ADGRL2: variants seen among roughly 807,000 people sequenced by gnomAD.
ADGRL2 encodes calcium-independent alpha-latrotoxin receptor 2.
In ADGRL2, 44 loss-of-function variants were observed where a neutral mutation model predicts 157.4. The observed-to-expected ratio is 0.28, with a 90% CI of 0.22 to 0.36. The LOEUF is 0.36. Among genes scored for constraint, ADGRL2 ranks in the 10% least tolerant of loss-of-function variants. The probability of loss-of-function intolerance (pLI) is 1.00; values close to 1 mark genes in which losing one functional copy is unlikely to be tolerated. For synonymous variants in ADGRL2, 585 were observed against 624.7 expected, an observed-to-expected ratio of 0.94 and a Z score of 0.95; for missense variants, 1,510 against 1,768.9, an observed-to-expected ratio of 0.85 and a Z score of 2.63.
At chr1:81,775,974 G>C (rs553653832) in intron 2 of ADGRL2, among the ~76,000 whole-genome samples, 18 of 152,144 alleles carry the variant, frequency 1.2e-4, no homozygotes, top group African/African-American at 4.1e-4. Flanking sequence ...TAGTCCTTGG[G>C]TTACTTTTTT....
chr1:81,750,072 A>T (rs971040170), intron 1 of ADGRL2, among the ~76,000 whole-genome samples: 6 of 152,360 alleles, frequency 3.9e-5, no homozygotes, highest in Admixed American at 1.3e-4. Flanking sequence ...AAAAATTTTC[A>T]ATTAAACATG....
chr1:81,498,034 G>A (rs188514006), intron 2 of ADGRL2, among the ~76,000 whole-genome samples: 23 of 152,102 alleles, frequency 1.5e-4, no homozygotes, highest in African/African-American at 4.3e-4. Flanking sequence ...GTGAAACCTC[G>A]TCTCTACTAA....
intron 2 of ADGRL2, among the ~76,000 whole-genome samples, chr1:81,470,046 TC>T (rs1483996615): frequency 2.6e-5 from 4 of 152,188 alleles, no homozygotes; most frequent in African/African-American, 9.7e-5. Flanking sequence ...TCTCTAGAGT[TC>T]CTGGAATTGC....
At chr1:81,560,349 C>T (rs2148446997) in intron 2 of ADGRL2, among the ~76,000 whole-genome samples, 1 of 152,248 alleles carries the variant, frequency 6.6e-6, no homozygotes, top group East Asian at 1.9e-4. Context: ...CTTCATTCTC[C>T]TCATTTGTAA....
At chr1:81,789,252 A>G (rs566989135) in intron 2 of ADGRL2, among the ~76,000 whole-genome samples, 1 of 152,328 alleles carries the variant, frequency 6.6e-6, no homozygotes, top group East Asian at 1.9e-4. Context: ...CACATGGGGA[A>G]GAGAACAAGT....
chr1:81,602,673 C>A lies in ADGRL2; in HGVS notation c.-143+21693C>A, dbSNP rs575798692. ...CAGCACTTTGGTAGGCCAAGGTGGGCGGATCACATGAGGTCAGGAGTTCAA... is the reference window on the plus strand; with the variant it reads ...CAGCACTTTGGTAGGCCAAGGTGGGAGGATCACATGAGGTCAGGAGTTCAA... On this transcript the variant is annotated intron_variant, in intron 3 of 24. Transcript: ENST00000370721. 4.6e-5 allele frequency among the ~76,000 whole-genome samples: 7 copies of A among 151,050 alleles called. No homozygotes were observed. In the South Asian group the frequency reaches 1.5e-3, roughly 32 times the overall value.
At chr1:81,851,886 G>A (rs143903959) in intron 2 of ADGRL2, among the ~76,000 whole-genome samples, 1 of 151,782 alleles carries the variant, frequency 6.6e-6, no homozygotes, top group Admixed American at 6.6e-5. Flanking sequence ...TCTATGTTTA[G>A]TAGAAATTGA....
At position 81,992,197 on chromosome 1, in the gene ADGRL2, A is replaced by T. The variant is rs929123660; in HGVS notation, c.*1052A>T. On this transcript the variant is annotated 3_prime_UTR_variant, in exon 24 of 24. Transcript: ENST00000686636. ...GAACAAAAGGTGCCTATTCTTTTTT[A>T]AAAAAATAAAATAAAACATAAATAT... 2.3e-4 allele frequency: 35 copies of T among 152,348 alleles called. 4 individuals are homozygous for T. The highest frequency in any genetic ancestry group is 1.2e-3 in the Admixed American group (18 of 15,276). The allele number at this position is 152,348 out of a possible 1,614,324, so 9.4% of individuals were successfully genotyped here.
At chr1:81,371,090 G>A (rs1047071594) in intron 1 of ADGRL2, among the ~76,000 whole-genome samples, 2 of 152,150 alleles carry the variant, frequency 1.3e-5, no homozygotes, top group African/African-American at 4.8e-5. Flanking sequence ...CTCATTTTCT[G>A]TAGTTCATTA....
At chr1:81,588,482 T>A (rs2081070098) in intron 3 of ADGRL2, 1 of 152,172 alleles carries the variant, frequency 6.6e-6, no homozygotes, top group African/African-American at 2.4e-5. Flanking sequence ...AACTGTAGCT[T>A]CCACTGCTGC....
intron 2 of ADGRL2, among the ~76,000 whole-genome samples, chr1:81,576,657 A>G (rs538782559): frequency 2.0e-5 from 3 of 152,118 alleles, no homozygotes; most frequent in Admixed American, 1.3e-4. Flanking sequence ...GTTTCTCTCC[A>G]TGGCACCAGA....
chr1:81,776,406 C>G (rs2086587239), intron 2 of ADGRL2, among the ~76,000 whole-genome samples: 2 of 152,146 alleles, frequency 1.3e-5, no homozygotes, highest in African/African-American at 4.8e-5. Context: ...CCAGGATGGT[C>G]TCAATCTCTT....
intron 1 of ADGRL2, among the ~76,000 whole-genome samples, chr1:81,713,842 G>A (rs2084017614): frequency 6.6e-6 from 1 of 152,160 alleles, no homozygotes; most frequent in South Asian, 2.1e-4. Flanking sequence ...TTGATATTAG[G>A]TAGAGATACT....
At chr1:81,318,910 C>T (rs1168184357) in intron 1 of ADGRL2, among the ~76,000 whole-genome samples, 31 of 139,344 alleles carry the variant, frequency 2.2e-4, no homozygotes, top group Non-Finnish European at 6.2e-5. Flanking sequence ...TCATTTTATC[C>T]TCCATCCTCC....
At chr1:81,753,544 A>G (rs770490476) in intron 1 of ADGRL2, among the ~76,000 whole-genome samples, 2 of 152,192 alleles carry the variant, frequency 1.3e-5, no homozygotes, top group Non-Finnish European at 2.9e-5. Context: ...AGTAGGGTTG[A>G]ATATACTATT....
rs1218129364 is a variant in ADGRL2, at chr1:81,984,806, A to G, written c.3411+95A>G. 4.5e-6 allele frequency: 6 copies of G among 1,333,306 alleles called. No homozygotes were observed. The Admixed American group carries it at 1.0e-4, about 22-fold the overall frequency. The allele number at this position is 1,333,306 out of a possible 1,614,324, so 82.6% of individuals were successfully genotyped here. A position where few individuals can be genotyped will look rare whatever the true frequency, so the allele number is the denominator to read the frequency against. On this transcript the variant is annotated intron_variant, in intron 20 of 23. Transcript: ENST00000686636. Reference sequence around the variant, plus strand: ...CAGATGCACTAATTGTCTTCTCATTATAATGATCTAGATAGCAAATACTTG... The same window carrying G: ...CAGATGCACTAATTGTCTTCTCATTGTAATGATCTAGATAGCAAATACTTG...
chr1:81,510,478 A>C (rs1482893656), intron 2 of ADGRL2, among the ~76,000 whole-genome samples: 1 of 152,218 alleles, frequency 6.6e-6, no homozygotes, highest in Non-Finnish European at 1.5e-5. Context: ...TTAGCACGTG[A>C]AATATATATA....
chr1:81,720,835 T>A (rs2084284955), intron 1 of ADGRL2, among the ~76,000 whole-genome samples: 3 of 150,990 alleles, frequency 2.0e-5, no homozygotes, highest in Non-Finnish European at 4.4e-5. Flanking sequence ...AACTTGTGAG[T>A]CTGATGAATT....
At chr1:81,803,918 A>G (rs1389344394) in intron 1 of ADGRL2, among the ~76,000 whole-genome samples, 2 of 152,202 alleles carry the variant, frequency 1.3e-5, no homozygotes, top group African/African-American at 4.8e-5. Context: ...TGCTCAACGA[A>G]GTTGCACAAT....
Sources: gnomAD v4.1 joint callset for allele counts (sites outside exome capture counted in the v4.1 genomes callset) on GRCh38, gnomAD v4.1.1 for gene constraint, MANE v1.5 for transcripts, NCBI Gene and HGNC (gene_info 2026-07-23, HGNC 2026-07-21) for gene names.